Variants in AKR1C8 observed in about 807,000 individuals in gnomAD.
AKR1C8 encodes the protein aldo-keto reductase family 1 member C8, also known as aldo-keto reductase family 1 member C-like protein 1.
chr10:5,179,170 C>T, the AKR1C8 span, among the ~76,000 whole-genome samples: 1 of 152,008 alleles, frequency 6.6e-6, no homozygotes, highest in Non-Finnish European at 1.5e-5. Flanking sequence ...TTAGGGCAGG[C>T]CTGGTGGTGA....
At chr10:5,174,531 T>A in the AKR1C8 span, among the ~76,000 whole-genome samples, 1 of 152,096 alleles carries the variant, frequency 6.6e-6, no homozygotes, top group Non-Finnish European at 1.5e-5. Flanking sequence ...ACAAACTGAC[T>A]TTCATACTTC....
At chr10:5,163,955 C>T in the AKR1C8 span, among the ~76,000 whole-genome samples, 9 of 152,200 alleles carry the variant, frequency 5.9e-5, no homozygotes, top group South Asian at 4.1e-4. Flanking sequence ...GTGTAACCAA[C>T]AGGCTTCTAG....
At chr10:5,159,333 G>C in the AKR1C8 span, among the ~76,000 whole-genome samples, 6 of 152,158 alleles carry the variant, frequency 3.9e-5, no homozygotes, top group African/African-American at 9.7e-5. Flanking sequence ...CGATGAGTAA[G>C]CCATTAGGAA....
At chr10:5,175,074 C>T in the AKR1C8 span, among the ~76,000 whole-genome samples, 3 of 151,386 alleles carry the variant, frequency 2.0e-5, no homozygotes, top group Admixed American at 6.6e-5. Context: ...CCCATTAACT[C>T]GTCATTTAGC....
At chr10:5,178,555 G>A in the AKR1C8 span, among the ~76,000 whole-genome samples, 2 of 152,092 alleles carry the variant, frequency 1.3e-5, no homozygotes, top group African/African-American at 2.4e-5. Flanking sequence ...CTGTCTCATT[G>A]ATCTGTCTAA....
chr10:5,161,377 C>A, the AKR1C8 span, among the ~76,000 whole-genome samples: 2 of 152,192 alleles, frequency 1.3e-5, no homozygotes, highest in African/African-American at 4.8e-5. Flanking sequence ...GAGGTTAGAT[C>A]AGCGGAGCCC....
At chr10:5,119,910 T>C in the AKR1C8 span, among the ~76,000 whole-genome samples, 9 of 152,310 alleles carry the variant, frequency 5.9e-5, no homozygotes, top group Admixed American at 3.3e-4. Flanking sequence ...ATAACATGTA[T>C]CTCTAATATC....
At chr10:5,135,827 A>T in the AKR1C8 span, among the ~76,000 whole-genome samples, 1 of 152,206 alleles carries the variant, frequency 6.6e-6, no homozygotes, top group African/African-American at 2.4e-5. Flanking sequence ...CATTAAAACC[A>T]AAGAAAATTT....
the AKR1C8 span, among the ~76,000 whole-genome samples, chr10:5,176,265 T>C: frequency 4.9e-5 from 6 of 122,866 alleles, no homozygotes; most frequent in African/African-American, 1.7e-4. Context: ...TTTTCTCAGG[T>C]TTGTCAAAGA....
chr10:5,140,406 A>C, the AKR1C8 span, among the ~76,000 whole-genome samples: 5 of 152,290 alleles, frequency 3.3e-5, no homozygotes, highest in East Asian at 7.7e-4. Context: ...CCAAATGTCC[A>C]TCAATGATAG....
At chr10:5,179,847 G>A in the AKR1C8 span, among the ~76,000 whole-genome samples, 1 of 152,000 alleles carries the variant, frequency 6.6e-6, no homozygotes, top group African/African-American at 2.4e-5. Context: ...GCACTTCTCT[G>A]TATTTGTTAT....
chr10:5,181,024 G>A, the AKR1C8 span, among the ~76,000 whole-genome samples: 1 of 152,160 alleles, frequency 6.6e-6, no homozygotes, highest in Non-Finnish European at 1.5e-5. Flanking sequence ...GCACTCCCTT[G>A]TGAGATGAAC....
the AKR1C8 span, among the ~76,000 whole-genome samples, chr10:5,117,480 T>C: frequency 6.6e-6 from 1 of 152,130 alleles, no homozygotes. Context: ...TTGTCACAAA[T>C]GGTATGTCTG....
the AKR1C8 span, among the ~76,000 whole-genome samples, chr10:5,139,238 T>C: frequency 3.9e-5 from 6 of 152,248 alleles, no homozygotes; most frequent in South Asian, 2.1e-4. Context: ...AGGTAATTTA[T>C]AGATTCAATG....
the AKR1C8 span, chr10:5,162,010 T>G: frequency 3.8e-6 from 2 of 522,532 alleles, no homozygotes; most frequent in Admixed American, 2.0e-5. Context: ...GATTATAATT[T>G]CACACATTTG....
At chr10:5,150,644 C>T in the AKR1C8 span, among the ~76,000 whole-genome samples, 3 of 151,986 alleles carry the variant, frequency 2.0e-5, no homozygotes, top group Non-Finnish European at 2.9e-5. Flanking sequence ...ATTTTTGGAA[C>T]GTTTGTCAAA....
the AKR1C8 span, among the ~76,000 whole-genome samples, chr10:5,136,780 G>A: frequency 1.3e-5 from 2 of 152,076 alleles, no homozygotes; most frequent in Non-Finnish European, 1.5e-5. Context: ...TAAATAGTGT[G>A]AACATGAAGG....
chr10:5,161,713 A>T, the AKR1C8 span: 1 of 534,314 alleles, frequency 1.9e-6, no homozygotes, highest in Non-Finnish European at 3.8e-6. Flanking sequence ...GATACTCACG[A>T]AAGTTTTGGC....
At chr10:5,121,936 A>G in the AKR1C8 span, among the ~76,000 whole-genome samples, 1 of 152,108 alleles carries the variant, frequency 6.6e-6, no homozygotes, top group Non-Finnish European at 1.5e-5. Flanking sequence ...TGAGCCGTGG[A>G]GGAAACCTAT....
Sources: allele counts gnomAD v4.1 joint callset (sites outside exome capture counted in the v4.1 genomes callset), GRCh38; gene constraint gnomAD v4.1.1; transcripts MANE v1.5; gene names NCBI Gene and HGNC (gene_info 2026-07-23, HGNC 2026-07-21).